The following RORA variants were observed in gnomAD, a reference collection of about 807,000 sequenced individuals.
The protein encoded by RORA is nuclear receptor ROR-alpha.
RORA carries 7 observed loss-of-function variants against 69.5 expected under a neutral mutation model. That is an observed-to-expected ratio of 0.10 (90% CI 0.06 to 0.19). The LOEUF (loss-of-function observed/expected upper bound fraction) is 0.19. Among genes scored for constraint, RORA ranks in the 10% least tolerant of loss-of-function variants. The probability of loss-of-function intolerance (pLI) is 1.00; values close to 1 mark genes in which losing one functional copy is unlikely to be tolerated. For missense variants in RORA, 457 were observed against 663.0 expected (o/e 0.69, Z 3.41); for synonymous variants, 261 against 240.8 (o/e 1.08, Z -0.78).
At chr15:60,539,103 C>T (rs1014162530) in intron 2 of RORA, among the ~76,000 whole-genome samples, 1 of 151,842 alleles carries the variant, frequency 6.6e-6, no homozygotes, top group African/African-American at 2.4e-5. Flanking sequence ...GGAACTTTGA[C>T]GATTTTTCTT....
intron 1 of RORA, among the ~76,000 whole-genome samples, chr15:61,036,040 C>G (rs1008580851): frequency 1.3e-5 from 2 of 152,134 alleles, no homozygotes; most frequent in Non-Finnish European, 2.9e-5. Context: ...CAGTCTATGC[C>G]TTTCAGAGTA....
At chr15:60,539,331 A>C (rs1379304464) in intron 2 of RORA, among the ~76,000 whole-genome samples, 1 of 152,234 alleles carries the variant, frequency 6.6e-6, no homozygotes, top group African/African-American at 2.4e-5. Context: ...TACTAGATTA[A>C]GCTTTCTAGA....
chr15:61,020,223 A>G (rs1158905374), intron 1 of RORA, among the ~76,000 whole-genome samples: 1 of 152,180 alleles, frequency 6.6e-6, no homozygotes, highest in East Asian at 1.9e-4. Flanking sequence ...ACATTAAGTC[A>G]GCATCTCAGT....
intron 1 of RORA, among the ~76,000 whole-genome samples, chr15:61,148,380 C>G (rs1053289087): frequency 6.6e-6 from 1 of 152,178 alleles, no homozygotes; most frequent in African/African-American, 2.4e-5. Context: ...TGCCGGAATT[C>G]TGCCTGTAGT....
intron 1 of RORA, among the ~76,000 whole-genome samples, chr15:60,865,245 C>T (rs1367957869): frequency 2.0e-5 from 3 of 152,196 alleles, no homozygotes; most frequent in Admixed American, 6.5e-5. Context: ...TGAAACCTGG[C>T]TCTTTACTTC....
At chr15:61,141,703 T>G (rs1218590016) in intron 1 of RORA, among the ~76,000 whole-genome samples, 2 of 151,760 alleles carry the variant, frequency 1.3e-5, no homozygotes, top group Non-Finnish European at 2.9e-5. Context: ...AAATGGGGAG[T>G]GTGGCTTTAT....
chr15:60,561,365 G>A (rs2067555863), intron 2 of RORA, among the ~76,000 whole-genome samples: 1 of 152,112 alleles, frequency 6.6e-6, no homozygotes, highest in Non-Finnish European at 1.5e-5. Context: ...ACAGGCGTGA[G>A]CCACCGCGCC....
intron 1 of RORA, among the ~76,000 whole-genome samples, chr15:61,209,242 A>G (rs1275094121): frequency 6.7e-6 from 1 of 148,302 alleles, no homozygotes; most frequent in Non-Finnish European, 1.5e-5. Flanking sequence ...ATTATGCACA[A>G]TATGAAGGAA....
In RORA at chr15:60,514,635, G is replaced by A. The variant is rs147192140; in HGVS notation, c.405C>T (p.Ala135=). The A allele has an allele frequency of 1.1e-4, 178 of 1,614,018 alleles. No individual in the cohort carries two copies. In the African/African-American group the frequency reaches 1.6e-3, roughly 15 times the overall value. Residue 135 remains alanine (A), a synonymous_variant, in exon 4 of 11, where the codon GCC becomes GCT. Coordinates refer to ENST00000335670, the MANE Select transcript of RORA (RefSeq NM_134261.3). ...CQHCRLQKCL[A]VGMSRDAVKF... is the part of the protein sequence containing the mutation. ...GCTCACCATCTCGAGACATCCCTAC[G>A]GCAAGGCATTTCTGTAATCGACAGT...
chr15:60,498,801 AG>A (rs1711781045), intron 10 of RORA, among the ~76,000 whole-genome samples: 1 of 152,102 alleles, frequency 6.6e-6, no homozygotes, highest in Non-Finnish European at 1.5e-5. Context: ...AAAATCAAAA[AG>A]CAAAACAGCA....
intron 1 of RORA, among the ~76,000 whole-genome samples, chr15:61,072,428 A>G (rs954285550): frequency 6.6e-6 from 1 of 152,204 alleles, no homozygotes; most frequent in African/African-American, 2.4e-5. Context: ...CCATATTCCA[A>G]ACTACTTCAA....
rs1413088842 is a variant in RORA, at chr15:61,215,947, T to C, written c.166+13106A>G. Among the ~76,000 whole-genome samples the C allele has an allele frequency of 2.0e-5, 3 of 152,222 alleles. 1 individual carries two copies. Among genetic ancestry groups the C allele is most frequent in the African/African-American group, 7.2e-5 (3 of 41,460 alleles). ...TTTTCATTACTACCGCATATTAGAA[T>C]CGGCTTCCAACATGTTTGAGTGAAG... On this transcript the variant is annotated intron_variant, in intron 1 of 10. Transcript: ENST00000335670.
intron 4 of RORA, among the ~76,000 whole-genome samples, chr15:60,513,501 G>C (rs1323152625): frequency 6.6e-6 from 1 of 152,216 alleles, no homozygotes; most frequent in Admixed American, 6.5e-5. Flanking sequence ...AAAGGGACCA[G>C]CTCTTGAGAA....
chr15:60,785,679 C>T (rs556638502), intron 1 of RORA, among the ~76,000 whole-genome samples: 4 of 152,212 alleles, frequency 2.6e-5, no homozygotes, highest in Non-Finnish European at 4.4e-5. Flanking sequence ...TCCTCAAATA[C>T]ATAATCCTTC....
intron 1 of RORA, among the ~76,000 whole-genome samples, chr15:61,173,736 A>G (rs752856536): frequency 5.3e-5 from 8 of 152,118 alleles, no homozygotes; most frequent in South Asian, 4.1e-4. Context: ...GCTCACTGCG[A>G]CCTCAACCTC....
chr15:60,718,205 C>CATCA (rs2071245395), intron 1 of RORA, among the ~76,000 whole-genome samples: 1 of 152,176 alleles, frequency 6.6e-6, no homozygotes. Context: ...ATGGTCTGGA[C>CATCA]ATCACTGGGC....
chr15:60,869,697 C>T (rs2073531547), intron 1 of RORA, among the ~76,000 whole-genome samples: 1 of 152,204 alleles, frequency 6.6e-6, no homozygotes, highest in African/African-American at 2.4e-5. Flanking sequence ...TCCCAGACTT[C>T]TAGGATCGAA....
intron 5 of RORA, 146 bp from the exon 6 acceptor site, chr15:60,505,775 G>T: frequency 2.1e-6 from 2 of 931,482 alleles, no homozygotes; most frequent in African/African-American, 1.7e-5. Context: ...CAAGTAATTT[G>T]GAACTGTTTT....
chr15:61,169,255 GC>G (rs1485497793), intron 1 of RORA, among the ~76,000 whole-genome samples: 1 of 150,356 alleles, frequency 6.7e-6, no homozygotes, highest in East Asian at 2.0e-4. Flanking sequence ...CACTCTTACA[GC>G]CCTGTACACA....
Sources: allele counts gnomAD v4.1 joint callset (sites outside exome capture counted in the v4.1 genomes callset), GRCh38; gene constraint gnomAD v4.1.1; transcripts MANE v1.5; gene names NCBI Gene and HGNC (gene_info 2026-07-23, HGNC 2026-07-21).